The following GALNT16 variants were observed in gnomAD, a reference collection of about 807,000 sequenced individuals.
GALNT16 encodes UDP-GalNAc:polypeptide N-acetylgalactosaminyltransferase-like protein 1.
GALNT16 carries 40 observed loss-of-function variants against 76.1 expected under a neutral mutation model. That is an observed-to-expected ratio of 0.53 (90% CI 0.41 to 0.68). The LOEUF is 0.68. Among genes scored for constraint, GALNT16 ranks in the 30% least tolerant of loss-of-function variants. GALNT16 has a pLI of 0.00. For missense variants in GALNT16, 621 were observed against 731.9 expected (o/e 0.85, Z 1.75); for synonymous variants, 276 against 285.2 (o/e 0.97, Z 0.32).
At chr14:69,281,473 G>A (rs2044540645) in intron 1 of GALNT16, among the ~76,000 whole-genome samples, 1 of 152,180 alleles carries the variant, frequency 6.6e-6, no homozygotes, top group Non-Finnish European at 1.5e-5. Context: ...CCTGGATTGG[G>A]ATGGAGGAAA....
chr14:69,325,818 C>T, intron 4 of GALNT16, 144 bp from the exon 5 acceptor site: 1 of 684,098 alleles, frequency 1.5e-6, no homozygotes, highest in Non-Finnish European at 2.7e-6. Flanking sequence ...AACCCTTCGG[C>T]CAGTAGTGAT....
At chr14:69,308,822 T>C (rs1165682889) in intron 1 of GALNT16, among the ~76,000 whole-genome samples, 5 of 152,352 alleles carry the variant, frequency 3.3e-5, no homozygotes, top group Middle Eastern at 3.4e-3. Flanking sequence ...TATTTTTAAA[T>C]GCTGATGTTG....
At chr14:69,363,977 C>T in the GALNT16 span, among the ~76,000 whole-genome samples, 3 of 152,336 alleles carry the variant, frequency 2.0e-5, no homozygotes, top group Admixed American at 2.0e-4. Flanking sequence ...AGTGCCTGTA[C>T]TTCCCCGCTT....
At chr14:69,267,896 G>C (rs1342528020) in intron 1 of GALNT16, among the ~76,000 whole-genome samples, 1 of 152,186 alleles carries the variant, frequency 6.6e-6, no homozygotes, top group Admixed American at 6.5e-5. Context: ...AAGTGAGGTG[G>C]CCTTCAGCCA....
In GALNT16 at chr14:69,352,419, G is replaced by T; in HGVS notation, c.*251G>T. 4 of 465,466 alleles carry T rather than the reference G, an allele frequency of 8.6e-6. No individual in the cohort carries two copies. In the South Asian group the frequency reaches 1.4e-4, roughly 17 times the overall value. The allele number at this position is 465,466 out of a possible 1,614,324, so 28.8% of individuals were successfully genotyped here. Reference sequence around the variant, plus strand: ...ATGGTCAGGGTGCTGGACTGTTGCTGGGTAGAGACTGAGTAGGTGCCCCTG... The same window carrying T: ...ATGGTCAGGGTGCTGGACTGTTGCTTGGTAGAGACTGAGTAGGTGCCCCTG... On this transcript the variant is annotated 3_prime_UTR_variant, in exon 15 of 15. Coordinates refer to ENST00000448469, the MANE Select transcript of GALNT16 (RefSeq NM_001168368.2).
chr14:69,330,492 T>G (rs1320132935), intron 6 of GALNT16, among the ~76,000 whole-genome samples: 1 of 152,228 alleles, frequency 6.6e-6, no homozygotes, highest in Non-Finnish European at 1.5e-5. Context: ...ATTGTGTACT[T>G]TAAACCTGTG....
At chr14:69,347,772 A>G in intron 13 of GALNT16, 105 bp from the exon 14 acceptor site, 3 of 1,201,358 alleles carry the variant, frequency 2.5e-6, no homozygotes, top group Non-Finnish European at 3.6e-6. Context: ...TTATTTGTAG[A>G]AATCTTACAA....
chr14:69,296,887 A>G (rs1326179937), intron 1 of GALNT16, among the ~76,000 whole-genome samples: 1 of 152,184 alleles, frequency 6.6e-6, no homozygotes, highest in African/African-American at 2.4e-5. Flanking sequence ...CATATTACAT[A>G]TACTGTTTTG....
At chr14:69,332,303 C>T (rs373410838) in intron 7 of GALNT16, among the ~76,000 whole-genome samples, 7 of 152,112 alleles carry the variant, frequency 4.6e-5, no homozygotes, top group African/African-American at 1.4e-4. Context: ...TGGACTGTGA[C>T]GGGCTGTTCA....
chr14:69,342,566 T>C (rs1209595445), intron 12 of GALNT16, among the ~76,000 whole-genome samples: 3 of 149,260 alleles, frequency 2.0e-5, no homozygotes, highest in Non-Finnish European at 4.5e-5. Flanking sequence ...ACAATAGGGG[T>C]TGGCTTCAGT....
chr14:69,262,145 G>T (rs563323574), intron 1 of GALNT16, among the ~76,000 whole-genome samples: 95 of 152,338 alleles, frequency 6.2e-4, no homozygotes, highest in Admixed American at 1.1e-3. Context: ...CTGGCCAGAT[G>T]CTCTGTCCCT....
chr14:69,335,819 C>A (rs1209748800), intron 9 of GALNT16, among the ~76,000 whole-genome samples: 1 of 152,150 alleles, frequency 6.6e-6, no homozygotes, highest in African/African-American at 2.4e-5. Flanking sequence ...CAAACCAAGA[C>A]GTGTTCTTTT....
chr14:69,366,092 G>A, the GALNT16 span, among the ~76,000 whole-genome samples: 19 of 152,202 alleles, frequency 1.2e-4, no homozygotes, highest in Non-Finnish European at 2.1e-4. Context: ...TTTGATGCAA[G>A]ACTTGGGTGA....
At position 69,320,703 on chromosome 14, in the gene GALNT16, C is replaced by T. The variant is rs771082985; in HGVS notation, c.178-8C>T. The T allele has an allele frequency of 7.4e-6, 12 of 1,612,846 alleles. 1 individual carries two copies. The South Asian group carries it at 1.3e-4, about 18-fold the overall frequency. ...TGTGGTCCTCTCTGATGCTGACCTT[C>T]ATCTCAGGTGACAGGAACTCCCTCG... is the stretch of plus-strand genomic sequence containing the variant. On this transcript the variant is annotated splice_polypyrimidine_tract_variant and splice_region_variant and intron_variant, in intron 1 of 14. Transcript: ENST00000448469.
chr14:69,324,513 T>C (rs551904191), intron 2 of GALNT16, among the ~76,000 whole-genome samples, 179 bp from the exon 3 acceptor site: 116 of 152,150 alleles, frequency 7.6e-4, no homozygotes, highest in African/African-American at 2.7e-3. Context: ...GGCATCGGGG[T>C]TCTGGGCCAG....
chr14:69,385,958 A>C, the GALNT16 span, among the ~76,000 whole-genome samples: 1 of 152,168 alleles, frequency 6.6e-6, no homozygotes, highest in East Asian at 1.9e-4. Flanking sequence ...GGCTTCCTTA[A>C]TGACTTCAAA....
chr14:69,291,885 C>T (rs1184598858), intron 1 of GALNT16, among the ~76,000 whole-genome samples: 3 of 152,338 alleles, frequency 2.0e-5, no homozygotes, highest in East Asian at 1.9e-4. Context: ...GAAGGAACCA[C>T]GGTCATTACT....
At chr14:69,269,586 T>A (rs1594809688) in intron 1 of GALNT16, among the ~76,000 whole-genome samples, 1 of 148,166 alleles carries the variant, frequency 6.7e-6, no homozygotes, top group East Asian at 2.0e-4. Flanking sequence ...GTGTGTGATT[T>A]GTGGGGTTTG....
chr14:69,371,941 C>A, the GALNT16 span, among the ~76,000 whole-genome samples: 1 of 150,664 alleles, frequency 6.6e-6, no homozygotes, highest in Non-Finnish European at 1.5e-5. Flanking sequence ...AAGACTGTCT[C>A]AAAAAAAATA....
Sources: gnomAD v4.1 joint callset for allele counts (sites outside exome capture counted in the v4.1 genomes callset) on GRCh38, gnomAD v4.1.1 for gene constraint, MANE v1.5 for transcripts, NCBI Gene and HGNC (gene_info 2026-07-23, HGNC 2026-07-21) for gene names.